The following GYG1 variants were observed in gnomAD, a reference collection of about 807,000 sequenced individuals.
GYG1 encodes glycogenin-1.
GYG1 carries 44 observed loss-of-function variants against 41.9 expected under a neutral mutation model. The ratio of observed to expected loss-of-function variants is 1.05; its 90% CI spans 0.83 to 1.35. The LOEUF is 1.35. Among genes scored for constraint, GYG1 ranks in the 40% most tolerant of loss-of-function variants. The pLI, the probability that GYG1 is intolerant of heterozygous loss-of-function variation, is 0.00. For synonymous variants in GYG1, 141 were observed against 158.1 expected (o/e 0.89, Z 0.81); for missense variants, 429 against 418.9 (o/e 1.02, Z -0.21).
Position 149,028,377 on chromosome 3 carries a change from T to C in GYG1, c.*1444T>C, listed in dbSNP as rs1445008227. Among the ~76,000 whole-genome samples, 1 of 152,156 alleles carries C rather than the reference T, an allele frequency of 6.6e-6. No individual in the cohort carries two copies. Among genetic ancestry groups the C allele is most frequent in the African/African-American group, 2.4e-5 (1 of 41,442 alleles). Reference sequence around the variant, plus strand: ...TTAAATGATAAATGACTTCTGAAACTAGCTATTTGGACTGGTGAAGAATGA... The same window carrying C: ...TTAAATGATAAATGACTTCTGAAACCAGCTATTTGGACTGGTGAAGAATGA... On this transcript the variant is annotated 3_prime_UTR_variant, in exon 8 of 8. Transcript: ENST00000345003.
intron 7 of GYG1, 81 bp downstream of exon 7, chr3:149,026,583 G>A: frequency 9.4e-7 from 1 of 1,062,390 alleles, no homozygotes; most frequent in Non-Finnish European, 1.5e-6. Flanking sequence ...CATTTTGTTA[G>A]GAAAAAATCA....
chr3:149,007,079 G>T (rs1713446733), intron 4 of GYG1, among the ~76,000 whole-genome samples: 1 of 152,336 alleles, frequency 6.6e-6, no homozygotes, highest in East Asian at 1.9e-4. Flanking sequence ...CAGATTCAGT[G>T]GCTGGAGAGG....
At chr3:149,011,526 G>A (rs910437442) in intron 5 of GYG1, among the ~76,000 whole-genome samples, 2 of 152,170 alleles carry the variant, frequency 1.3e-5, no homozygotes, top group East Asian at 1.9e-4. Flanking sequence ...CATTGAGCAC[G>A]TTGTACCTTT....
At chr3:149,026,583 G>C in intron 7 of GYG1, 81 bp downstream of exon 7, 1 of 1,062,390 alleles carries the variant, frequency 9.4e-7, no homozygotes, top group South Asian at 1.3e-5. Context: ...CATTTTGTTA[G>C]GAAAAAATCA....
intron 4 of GYG1, among the ~76,000 whole-genome samples, chr3:149,008,483 C>T (rs909124845): frequency 6.6e-6 from 1 of 152,186 alleles, no homozygotes; most frequent in Non-Finnish European, 1.5e-5. Flanking sequence ...CCCCGTCTTT[C>T]CCCCATCGGC....
In GYG1 at chr3:148,991,571, C is replaced by T. The variant is rs1016270367; in HGVS notation, c.-70C>T. ...CCGTGCCTCCTCGCTGGCCGCGCTC[C>T]CTCCCGGTGCCGGCTTCTCTGAGTC... On this transcript the variant is annotated 5_prime_UTR_variant, in exon 1 of 8. Transcript: ENST00000345003. 2.3e-5 allele frequency: 36 copies of T among 1,533,856 alleles called. No homozygotes were observed. The highest frequency in any genetic ancestry group is 2.2e-4 in the African/African-American group (16 of 72,314).
chr3:149,019,569 G>A (rs1423726768), intron 5 of GYG1, among the ~76,000 whole-genome samples: 1 of 152,220 alleles, frequency 6.6e-6, no homozygotes, highest in Admixed American at 6.5e-5. Flanking sequence ...AATGAAAACT[G>A]CCCTGTCTAT....
chr3:149,020,367 C>T (rs1714299473), intron 5 of GYG1, among the ~76,000 whole-genome samples: 1 of 152,170 alleles, frequency 6.6e-6, no homozygotes. Context: ...CAGACAATAC[C>T]CTTATAATTC....
chr3:148,999,257 A>T (rs1712967311), intron 4 of GYG1, among the ~76,000 whole-genome samples: 1 of 152,212 alleles, frequency 6.6e-6, no homozygotes, highest in East Asian at 1.9e-4. Flanking sequence ...ACATTTCATT[A>T]TTCAGCAGCA....
At chr3:148,997,358 G>A (rs904757391) in intron 4 of GYG1, among the ~76,000 whole-genome samples, 10 of 151,278 alleles carry the variant, frequency 6.6e-5, no homozygotes, top group African/African-American at 9.8e-5. Context: ...TCTCTCAGGC[G>A]GCATAAAAAA....
At chr3:148,994,441 C>T (rs768976118) in intron 2 of GYG1, among the ~76,000 whole-genome samples, 164 bp downstream of exon 2, 23 of 152,174 alleles carry the variant, frequency 1.5e-4, no homozygotes, top group Admixed American at 2.6e-4. Flanking sequence ...AAACCTCCTC[C>T]TAGCTTTTGG....
At chr3:149,019,657 G>A (rs1030383526) in intron 5 of GYG1, among the ~76,000 whole-genome samples, 17 of 152,350 alleles carry the variant, frequency 1.1e-4, no homozygotes, top group African/African-American at 4.1e-4. Context: ...GAGGAAGGAG[G>A]ATCCTTCCCC....
intron 6 of GYG1, among the ~76,000 whole-genome samples, chr3:149,024,932 A>G (rs1714572177): frequency 6.6e-6 from 1 of 152,252 alleles, no homozygotes; most frequent in Non-Finnish European, 1.5e-5. Context: ...GATATAAATA[A>G]GAGAACAGAA....
intron 7 of GYG1, 111 bp downstream of exon 7, chr3:149,026,613 T>A (rs1714665708): frequency 9.9e-7 from 1 of 1,007,670 alleles, no homozygotes; most frequent in Admixed American, 1.8e-5. Flanking sequence ...TATTTTTGTG[T>A]CTTTTTTGTT....
At chr3:149,016,307 A>G (rs1012278375) in intron 5 of GYG1, among the ~76,000 whole-genome samples, 1 of 151,526 alleles carries the variant, frequency 6.6e-6, no homozygotes, top group African/African-American at 2.4e-5. Context: ...GAGCCAGGAC[A>G]GTTTATCCTT....
At chr3:149,020,058 A>G (rs1284302479) in intron 5 of GYG1, among the ~76,000 whole-genome samples, 1 of 151,950 alleles carries the variant, frequency 6.6e-6, no homozygotes, top group East Asian at 1.9e-4. Context: ...CCCTTAGACA[A>G]TGTCCAGCAC....
At chr3:149,001,384 G>C (rs1268260624) in intron 4 of GYG1, 1 of 152,294 alleles carries the variant, frequency 6.6e-6, no homozygotes. Flanking sequence ...ATGAGCACAC[G>C]TAAGTTTTTT....
intron 2 of GYG1, 100 bp from the exon 3 acceptor site, chr3:148,996,202 G>A: frequency 1.2e-6 from 1 of 851,968 alleles, no homozygotes; most frequent in Non-Finnish European, 2.0e-6. Flanking sequence ...CATTGTTCTA[G>A]TAATTGATGG....
At chr3:149,000,294 A>G (rs916380032) in intron 4 of GYG1, among the ~76,000 whole-genome samples, 2 of 152,214 alleles carry the variant, frequency 1.3e-5, no homozygotes, top group Admixed American at 1.3e-4. Context: ...AAACTTCTAT[A>G]CTGTTGTATT....
Sources: gnomAD v4.1 joint callset for allele counts (sites outside exome capture counted in the v4.1 genomes callset) on GRCh38, gnomAD v4.1.1 for gene constraint, MANE v1.5 for transcripts, NCBI Gene and HGNC (gene_info 2026-07-23, HGNC 2026-07-21) for gene names.